The following CAMTA1 variants were observed in gnomAD, a reference collection of about 807,000 sequenced individuals.
CAMTA1 encodes calmodulin binding transcription activator 1.
CAMTA1 carries 27 observed loss-of-function variants against 170.9 expected under a neutral mutation model. The observed-to-expected ratio is 0.16, with a 90% CI of 0.12 to 0.22. CAMTA1 has a LOEUF of 0.22. Ranked by LOEUF, CAMTA1 falls within the 10% of genes least tolerant of loss-of-function variation. The pLI, the probability that CAMTA1 is intolerant of heterozygous loss-of-function variation, is 1.00. For synonymous variants in CAMTA1, 833 were observed against 891.5 expected (o/e 0.93, Z 1.17); for missense variants, 1,619 against 2,217.2 (o/e 0.73, Z 5.42).
chr1:7,396,648 T>G (rs969491306), intron 5 of CAMTA1, among the ~76,000 whole-genome samples: 2 of 152,228 alleles, frequency 1.3e-5, no homozygotes, highest in Admixed American at 6.5e-5. Flanking sequence ...TATATGACCT[T>G]TATTGTGTTG....
chr1:7,527,260 G>A (rs1301787397), intron 6 of CAMTA1, among the ~76,000 whole-genome samples: 7 of 152,208 alleles, frequency 4.6e-5, no homozygotes, highest in Admixed American at 2.0e-4. Context: ...GACCTAAACT[G>A]CCACTGAGTG....
chr1:7,237,673 A>G (rs772823264), intron 4 of CAMTA1, among the ~76,000 whole-genome samples: 57 of 152,342 alleles, frequency 3.7e-4, no homozygotes, highest in Non-Finnish European at 2.4e-4. Context: ...TCAGTTATTA[A>G]TCATCTTTTA....
Position 7,534,626 on chromosome 1 carries a change from G to A in CAMTA1, c.510+66725G>A, listed in dbSNP as rs1229716956. Among the ~76,000 whole-genome samples the A allele has an allele frequency of 1.3e-5, 2 of 152,156 alleles. No individual in the cohort carries two copies. The highest frequency in any genetic ancestry group is 2.1e-4 in the South Asian group (1 of 4,828). Reference sequence around the variant, plus strand: ...GTCCTCGGCGGCACGGGCTGTGGCCGCAGAAGGCCAGCAGCTGTCCAGGGT... The same window carrying A: ...GTCCTCGGCGGCACGGGCTGTGGCCACAGAAGGCCAGCAGCTGTCCAGGGT... On this transcript the variant is annotated intron_variant, in intron 6 of 22. Coordinates refer to ENST00000303635, the MANE Select transcript of CAMTA1 (RefSeq NM_015215.4). The surrounding 1 kb of genome is among the most constrained non-coding windows in gnomAD (Gnocchi z 5.6).
In CAMTA1 at chr1:6,835,089, G is replaced by A. The variant is rs147466921; in HGVS notation, c.234+9879G>A. ...GCAGCATCTGTTCAGGGGGCTCGAGGTTCTTCTTTGGTGTCTTTTCAAGTT... is the reference window on the plus strand; with the variant it reads ...GCAGCATCTGTTCAGGGGGCTCGAGATTCTTCTTTGGTGTCTTTTCAAGTT... On this transcript the variant is annotated intron_variant, in intron 3 of 22. Transcript: ENST00000303635. 3.2e-3 allele frequency among the ~76,000 whole-genome samples: 492 copies of A among 152,320 alleles called. 3 individuals are homozygous for A. The highest frequency in any genetic ancestry group is 0.01 in the African/African-American group (425 of 41,580).
intron 16 of CAMTA1, among the ~76,000 whole-genome samples, chr1:7,739,463 C>T (rs1317918539): frequency 6.6e-5 from 10 of 152,160 alleles, no homozygotes. Flanking sequence ...CCGGGGGCAC[C>T]ACTTCTGACC....
chr1:7,052,086 T>TGGGGGGGGGGGGGGGGGGG (rs1706476908), intron 3 of CAMTA1, among the ~76,000 whole-genome samples: 1 of 71,884 alleles, frequency 1.4e-5, no homozygotes, highest in African/African-American at 5.1e-5. Flanking sequence ...GGCGGGGGGG[T>TGGGGGGGGGGGGGGGGGGG]GGGTATCCTT....
rs146772883 is a variant in CAMTA1 at position 7,336,052 on chromosome 1, A to G, written c.438+86426A>G. ...GATTTTATTTTTCATTCATTATCCC[A>G]CTGAAACACAAAACAAAGACCCAAA... On this transcript the variant is annotated intron_variant, in intron 5 of 22. Coordinates refer to ENST00000303635, the MANE Select transcript of CAMTA1 (RefSeq NM_015215.4). Among the ~76,000 whole-genome samples, 401 of 152,282 alleles carry G rather than the reference A, an allele frequency of 2.6e-3. 2 individuals are homozygous for G. The highest frequency in any genetic ancestry group is 9.3e-3 in the African/African-American group (386 of 41,554).
chr1:7,024,695 G>T (rs1416577143), intron 3 of CAMTA1, among the ~76,000 whole-genome samples: 1 of 152,140 alleles, frequency 6.6e-6, no homozygotes, highest in Non-Finnish European at 1.5e-5. Flanking sequence ...GTGGGCCTGG[G>T]ATCCCCTCGA....
At chr1:6,912,875 G>C (rs1680018080) in intron 3 of CAMTA1, among the ~76,000 whole-genome samples, 1 of 152,212 alleles carries the variant, frequency 6.6e-6, no homozygotes, top group African/African-American at 2.4e-5. Flanking sequence ...TCCACTGTGT[G>C]GGGAGGGAAG....
At chr1:7,484,965 C>T (rs2149656771) in intron 6 of CAMTA1, among the ~76,000 whole-genome samples, 1 of 152,224 alleles carries the variant, frequency 6.6e-6, no homozygotes, top group East Asian at 1.9e-4. Context: ...CCACTGCTTC[C>T]AGCATTCACA....
chr1:6,804,065 TC>T (rs1160774623), intron 1 of CAMTA1, among the ~76,000 whole-genome samples: 1 of 151,910 alleles, frequency 6.6e-6, no homozygotes, highest in Admixed American at 6.6e-5. Context: ...GTGCCAGTAA[TC>T]CTAGCTACTT....
intron 3 of CAMTA1, among the ~76,000 whole-genome samples, chr1:6,995,274 TTA>T (rs1697023605): frequency 6.7e-6 from 1 of 149,950 alleles, no homozygotes; most frequent in South Asian, 2.1e-4. Flanking sequence ...TTTAGATCCT[TTA>T]AAATCTTTTT....
intron 4 of CAMTA1, among the ~76,000 whole-genome samples, chr1:7,120,800 A>G (rs759232749): frequency 5.3e-5 from 8 of 152,248 alleles, no homozygotes; most frequent in Non-Finnish European, 1.2e-4. Context: ...AAGAGGTTTA[A>G]TCGCACTGCC....
chr1:7,178,947 G>A (rs572051685), intron 4 of CAMTA1, among the ~76,000 whole-genome samples: 1 of 152,362 alleles, frequency 6.6e-6, no homozygotes, highest in South Asian at 2.1e-4. Flanking sequence ...CCGTGGAGGA[G>A]CTGTCCAGGA....
At chr1:7,389,036 A>G (rs998907062) in intron 5 of CAMTA1, among the ~76,000 whole-genome samples, 65 of 152,286 alleles carry the variant, frequency 4.3e-4, no homozygotes, top group African/African-American at 1.5e-3. Flanking sequence ...TAGGCACTGC[A>G]CGGCGAGAGG....
rs1332194227 is a variant in CAMTA1 at position 7,641,975 on chromosome 1, G to A, written c.664+1422G>A. Among the ~76,000 whole-genome samples the A allele has an allele frequency of 6.8e-6, 1 of 147,326 alleles. No individual in the cohort carries two copies. The highest frequency in any genetic ancestry group is 1.5e-5 in the Non-Finnish European group (1 of 67,542). ...CCACCCGCAGCCCCCGGCCTCTGCA[G>A]GACTCTGCGCCCTTTCCACCTGCTG... On this transcript the variant is annotated intron_variant, in intron 7 of 22. Coordinates refer to ENST00000303635, the MANE Select transcript of CAMTA1 (RefSeq NM_015215.4). This position sits in a 1 kb window ranked among gnomAD's most constrained non-coding sequence, Gnocchi z 4.5.
chr1:7,563,686 A>G (rs979069573), intron 6 of CAMTA1, among the ~76,000 whole-genome samples: 3 of 152,238 alleles, frequency 2.0e-5, no homozygotes, highest in Non-Finnish European at 4.4e-5. Context: ...CAAAGAACAC[A>G]GCATTCTGGG....
chr1:7,396,179 T>C (rs1024980881), intron 5 of CAMTA1, among the ~76,000 whole-genome samples: 4 of 152,196 alleles, frequency 2.6e-5, no homozygotes, highest in African/African-American at 9.7e-5. Flanking sequence ...GTTCTATTAG[T>C]TCCCACGATA....
intron 6 of CAMTA1, among the ~76,000 whole-genome samples, chr1:7,563,845 C>G (rs1356707315): frequency 6.6e-6 from 1 of 152,156 alleles, no homozygotes; most frequent in Non-Finnish European, 1.5e-5. Flanking sequence ...AGACCAAATG[C>G]CTGCCCATGG....
Sources: gnomAD v4.1 joint callset for allele counts (sites outside exome capture counted in the v4.1 genomes callset) on GRCh38, gnomAD v4.1.1 for gene constraint, Gnocchi (gnomAD v3.1) non-coding constraint, MANE v1.5 for transcripts, NCBI Gene and HGNC (gene_info 2026-07-23, HGNC 2026-07-21) for gene names.